NAA11: variants seen among roughly 807,000 people sequenced by gnomAD.
NAA11 encodes the protein N-alpha-acetyltransferase 11.
Under a neutral mutation model 16.1 loss-of-function variants are expected in NAA11, and 15 were observed. That is an observed-to-expected ratio of 0.93 (90% CI 0.62 to 1.44). NAA11 has a LOEUF of 1.44. Among genes scored for constraint, NAA11 ranks in the 40% most tolerant of loss-of-function variants. NAA11 has a pLI of 0.00. For missense variants in NAA11, 298 were observed against 291.3 expected, an observed-to-expected ratio of 1.02 and a Z score of -0.17; for synonymous variants, 122 against 112.4, an observed-to-expected ratio of 1.09 and a Z score of -0.54.
At chr4:79,256,651 A>AATATATATATATAAATAT (rs1722115291) in intron 2 of NAA11, among the ~76,000 whole-genome samples, 1 of 130,768 alleles carries the variant, frequency 7.6e-6, no homozygotes, top group African/African-American at 3.1e-5. Context: ...TATAAATATA[A>AATATATATATATAAATAT]ATATATATAT....
chr4:79,305,372 A>T (rs1036339627), intron 1 of NAA11, among the ~76,000 whole-genome samples: 1 of 152,246 alleles, frequency 6.6e-6, no homozygotes, highest in Non-Finnish European at 1.5e-5. Context: ...TATTTCACAA[A>T]GTAAAACATG....
intron 2 of NAA11, among the ~76,000 whole-genome samples, chr4:79,256,385 C>T (rs1380039492): frequency 6.6e-6 from 1 of 151,780 alleles, no homozygotes; most frequent in Non-Finnish European, 1.5e-5. Context: ...AGTATTATTT[C>T]ACCTACAGTT....
chr4:79,250,661 C>T (rs1314548431), intron 2 of NAA11, among the ~76,000 whole-genome samples: 1 of 152,132 alleles, frequency 6.6e-6, no homozygotes, highest in Non-Finnish European at 1.5e-5. Flanking sequence ...AGTTTCTGCA[C>T]AGCCAAAGAA....
the NAA11 span, among the ~76,000 whole-genome samples, chr4:79,196,829 T>C: frequency 5.3e-5 from 8 of 151,642 alleles, no homozygotes; most frequent in East Asian, 1.6e-3. Flanking sequence ...CTTTAAATGT[T>C]GAAGGGAGAA....
chr4:79,290,944 T>C (rs564466735), intron 2 of NAA11, among the ~76,000 whole-genome samples: 3 of 152,316 alleles, frequency 2.0e-5, no homozygotes, highest in Admixed American at 1.3e-4. Flanking sequence ...GATATTTCTA[T>C]CATTGTGGAA....
intron 2 of NAA11, among the ~76,000 whole-genome samples, chr4:79,233,747 T>A (rs1438907675): frequency 6.6e-6 from 1 of 152,098 alleles, no homozygotes; most frequent in Non-Finnish European, 1.5e-5. Flanking sequence ...CCCCACATGA[T>A]CCAGAACTGC....
At chr4:79,324,822 A>T (rs1397723575) in intron 1 of NAA11, among the ~76,000 whole-genome samples, 1 of 152,214 alleles carries the variant, frequency 6.6e-6, no homozygotes, top group African/African-American at 2.4e-5. Flanking sequence ...TTGGAAAATG[A>T]TGATTTTATA....
At chr4:79,178,426 A>G in the NAA11 span, among the ~76,000 whole-genome samples, 7 of 152,242 alleles carry the variant, frequency 4.6e-5, no homozygotes, top group African/African-American at 1.7e-4. Context: ...TTCAAATGCT[A>G]ATTTGATACA....
chr4:79,159,863 T>C, the NAA11 span, among the ~76,000 whole-genome samples: 1 of 152,200 alleles, frequency 6.6e-6, no homozygotes, highest in South Asian at 2.1e-4. Flanking sequence ...TTCATTCATG[T>C]TGTAGAATGT....
chr4:79,173,922 A>G, the NAA11 span, among the ~76,000 whole-genome samples: 2 of 152,166 alleles, frequency 1.3e-5, no homozygotes, highest in Admixed American at 6.6e-5. Context: ...TGGTAATGAC[A>G]GTGAGGCCTT....
intron 2 of NAA11, among the ~76,000 whole-genome samples, chr4:79,268,823 G>A: frequency 6.7e-6 from 1 of 149,456 alleles, no homozygotes; most frequent in Admixed American, 6.7e-5. Flanking sequence ...CTAGCATTAG[G>A]TATATCTCCC....
At chr4:79,209,526 T>C in the NAA11 span, among the ~76,000 whole-genome samples, 2 of 152,124 alleles carry the variant, frequency 1.3e-5, no homozygotes, top group Admixed American at 6.6e-5. Flanking sequence ...AGAGGGACCA[T>C]TGCAAATGCT....
At chr4:79,307,906 GA>G (rs1723636593) in intron 1 of NAA11, among the ~76,000 whole-genome samples, 1 of 152,044 alleles carries the variant, frequency 6.6e-6, no homozygotes, top group African/African-American at 2.4e-5. Context: ...ATCCTATATT[GA>G]AAATGTATGG....
At chr4:79,277,048 A>T (rs1005698542) in intron 2 of NAA11, among the ~76,000 whole-genome samples, 1 of 152,162 alleles carries the variant, frequency 6.6e-6, no homozygotes, top group Non-Finnish European at 1.5e-5. Context: ...ATTAGCAGAA[A>T]GAGGAGGAGT....
chr4:79,201,115 C>A, the NAA11 span, among the ~76,000 whole-genome samples: 5 of 151,518 alleles, frequency 3.3e-5, 1 homozygote, highest in African/African-American at 1.2e-4. Context: ...AGGTTTTAAG[C>A]TATTTTAAAA....
At chr4:79,280,126 C>T (rs1052484265) in intron 2 of NAA11, among the ~76,000 whole-genome samples, 6 of 152,012 alleles carry the variant, frequency 3.9e-5, no homozygotes, top group East Asian at 1.9e-4. Flanking sequence ...AATTAAAATG[C>T]GAGCAAGTAA....
chr4:79,175,587 A>C, the NAA11 span, among the ~76,000 whole-genome samples: 3 of 151,916 alleles, frequency 2.0e-5, no homozygotes, highest in South Asian at 6.2e-4. Flanking sequence ...GGCTGTTCCT[A>C]TCCTTGCCCC....
chr4:79,281,289 AT>A (rs1722780471), intron 2 of NAA11, among the ~76,000 whole-genome samples: 1 of 151,728 alleles, frequency 6.6e-6, no homozygotes. Flanking sequence ...AAAAAAAAAC[AT>A]TCTCAAGGAG....
At chr4:79,313,526 A>G (rs1723841838), downstream of NAA11, among the ~76,000 whole-genome samples, 1 of 152,190 alleles carries the variant, frequency 6.6e-6, no homozygotes, top group Admixed American at 6.5e-5. Context: ...ACCATTCCAA[A>G]GGTGTGAAAT....
Sources: gnomAD v4.1 joint callset for allele counts (sites outside exome capture counted in the v4.1 genomes callset) on GRCh38, gnomAD v4.1.1 for gene constraint, MANE v1.5 for transcripts, NCBI Gene and HGNC (gene_info 2026-07-23, HGNC 2026-07-21) for gene names.